LRP1B: variants seen among roughly 807,000 people sequenced by gnomAD.
LRP1B encodes LDL receptor related protein 1B.
LRP1B carries 217 observed loss-of-function variants against 556.6 expected under a neutral mutation model. The ratio of observed to expected loss-of-function variants is 0.39; its 90% CI spans 0.35 to 0.44. The LOEUF (loss-of-function observed/expected upper bound fraction) is 0.44. LRP1B is among the 20% of genes least tolerant of loss of function. The pLI is 1.00. For synonymous variants in LRP1B, 2,047 were observed against 1,865.8 expected (o/e 1.10, Z -2.50); for missense variants, 5,053 against 5,620.8 (o/e 0.90, Z 3.23).
chr2:141,385,062 G>A (rs1689779114), intron 3 of LRP1B, among the ~76,000 whole-genome samples: 1 of 152,132 alleles, frequency 6.6e-6, no homozygotes, highest in East Asian at 1.9e-4. Flanking sequence ...CCCGCTGGGT[G>A]GTGTGGGGCT....
Position 140,834,156 on chromosome 2 carries a change from C to T in LRP1B, c.5209+5835G>A, listed in dbSNP as rs557318302. Among the ~76,000 whole-genome samples, 20 of 152,266 alleles carry T rather than the reference C, an allele frequency of 1.3e-4. No individual in the cohort carries two copies. The South Asian group carries it at 1.7e-3, about 13-fold the overall frequency. On this transcript the variant is annotated intron_variant, in intron 31 of 90. Coordinates refer to ENST00000389484, the MANE Select transcript of LRP1B (RefSeq NM_018557.3). ...CAGTCTGAAATTTTTATATAATGAT[C>T]CTTACTCAATCCTAACCATACCTTC...
chr2:141,927,088 G>A (rs1196889140), intron 1 of LRP1B, among the ~76,000 whole-genome samples: 2 of 151,962 alleles, frequency 1.3e-5, no homozygotes, highest in African/African-American at 4.8e-5. Flanking sequence ...GTTCCATATG[G>A]CACCTTAAAT....
At chr2:141,810,177 G>T (rs1574386197) in intron 2 of LRP1B, 102 bp downstream of exon 2, 1 of 853,534 alleles carries the variant, frequency 1.2e-6, no homozygotes, top group East Asian at 3.1e-5. Context: ...AGGAAAGAAA[G>T]AAAGAAAGAA....
chr2:140,305,364 T>C (rs1684021208), intron 83 of LRP1B, among the ~76,000 whole-genome samples: 1 of 152,164 alleles, frequency 6.6e-6, no homozygotes, highest in African/African-American at 2.4e-5. Flanking sequence ...CTTGAAGAGG[T>C]TCTTCACATC....
chr2:141,552,751 C>G (rs972972073), intron 2 of LRP1B, among the ~76,000 whole-genome samples: 12 of 151,664 alleles, frequency 7.9e-5, no homozygotes, highest in Non-Finnish European at 1.2e-4. Flanking sequence ...AAAATGTGGT[C>G]TAGGATTCCT....
At chr2:140,769,385 A>G in intron 34 of LRP1B, 41 bp from the exon 35 acceptor site, 1 of 1,523,104 alleles carries the variant, frequency 6.6e-7, no homozygotes, top group Non-Finnish European at 8.9e-7. Context: ...AGGGAAGCCC[A>G]GAATGAATAT....
chr2:141,889,745 C>T (rs1479563513), intron 1 of LRP1B, among the ~76,000 whole-genome samples: 1 of 152,088 alleles, frequency 6.6e-6, no homozygotes, highest in Non-Finnish European at 1.5e-5. Flanking sequence ...TTACTCTAGC[C>T]TAATAATCAA....
At chr2:141,356,576 GA>G (rs1215465564) in intron 3 of LRP1B, among the ~76,000 whole-genome samples, 1 of 130,494 alleles carries the variant, frequency 7.7e-6, no homozygotes, top group African/African-American at 2.5e-5. Context: ...GAGATGATAA[GA>G]GGTAACATGT....
At chr2:141,142,632 C>A (rs1701682923) in intron 7 of LRP1B, among the ~76,000 whole-genome samples, 1 of 152,080 alleles carries the variant, frequency 6.6e-6, no homozygotes, top group African/African-American at 2.4e-5. Flanking sequence ...CTTCAATGAA[C>A]CTGTTCTCAT....
intron 3 of LRP1B, among the ~76,000 whole-genome samples, chr2:141,388,922 T>C (rs915042405): frequency 1.3e-5 from 2 of 152,058 alleles, no homozygotes; most frequent in African/African-American, 4.8e-5. Context: ...AAAAAATAAC[T>C]AGGAATAAGT....
chr2:142,121,135 A>C (rs1707444955), intron 1 of LRP1B, among the ~76,000 whole-genome samples: 15 of 152,168 alleles, frequency 9.9e-5, no homozygotes, highest in Admixed American at 9.8e-4. Flanking sequence ...TTCTAAACTA[A>C]AAATGCAAAT....
At chr2:141,126,195 C>T (rs1244897530) in intron 7 of LRP1B, among the ~76,000 whole-genome samples, 1 of 151,966 alleles carries the variant, frequency 6.6e-6, no homozygotes, top group African/African-American at 2.4e-5. Context: ...CCACGCCTGA[C>T]TAATTTTTTT....
intron 41 of LRP1B, among the ~76,000 whole-genome samples, chr2:140,698,061 G>GTT (rs561793708): frequency 2.0e-5 from 3 of 146,584 alleles, no homozygotes; most frequent in Admixed American, 6.9e-5. Flanking sequence ...AAATAAAATG[G>GTT]TTTTTTTTTT....
At position 140,452,089 on chromosome 2, in the gene LRP1B, C is replaced by CT. The variant is rs566958752; in HGVS notation, c.9964-1429dup. ...TACAGGCTATTTAGCACACAAGTGA[C>CT]TTGATACTGGAGACAAACTACAGGA... On this transcript the variant is annotated intron_variant, in intron 62 of 90. Transcript: ENST00000389484. Among the ~76,000 whole-genome samples, 8 of 152,236 alleles carry CT rather than the reference C, an allele frequency of 5.3e-5. No homozygotes were observed. The East Asian group carries it at 1.4e-3, about 26-fold the overall frequency.
At chr2:142,089,483 T>C (rs1049208981) in intron 1 of LRP1B, among the ~76,000 whole-genome samples, 2 of 152,230 alleles carry the variant, frequency 1.3e-5, no homozygotes, top group African/African-American at 4.8e-5. Flanking sequence ...AAAATTAGCA[T>C]GTGGGAATAA....
chr2:140,560,974 C>T (rs533188172), intron 43 of LRP1B, among the ~76,000 whole-genome samples: 18 of 152,054 alleles, frequency 1.2e-4, no homozygotes, highest in Non-Finnish European at 7.4e-5. Flanking sequence ...TGTACTGGTG[C>T]TCAGAAAACA....
intron 3 of LRP1B, among the ~76,000 whole-genome samples, chr2:141,380,300 C>T (rs1281664423): frequency 6.6e-6 from 1 of 152,038 alleles, no homozygotes; most frequent in Non-Finnish European, 1.5e-5. Flanking sequence ...GCATCTTTTC[C>T]AGCTGCTGTC....
At chr2:141,467,133 T>TATATATATAG (rs1682257860) in intron 3 of LRP1B, among the ~76,000 whole-genome samples, 1 of 39,668 alleles carries the variant, frequency 2.5e-5, no homozygotes, top group African/African-American at 5.1e-5. Context: ...TCTATATATA[T>TATATATATAG]ATATATATAT....
chr2:141,120,478 G>A (rs1574093671), intron 7 of LRP1B, among the ~76,000 whole-genome samples: 1 of 151,768 alleles, frequency 6.6e-6, no homozygotes, highest in African/African-American at 2.4e-5. Flanking sequence ...CTACACATAA[G>A]GCAATTTCAA....
Sources: gnomAD v4.1 joint callset for allele counts (sites outside exome capture counted in the v4.1 genomes callset) on GRCh38, gnomAD v4.1.1 for gene constraint, MANE v1.5 for transcripts, NCBI Gene and HGNC (gene_info 2026-07-23, HGNC 2026-07-21) for gene names.